Variants in SLCO3A1 observed in about 807,000 individuals in gnomAD.
SLCO3A1 encodes the protein PGE1 transporter.
Under a neutral mutation model 63.1 loss-of-function variants are expected in SLCO3A1, and 27 were observed. The observed-to-expected ratio is 0.43, with a 90% confidence interval of 0.32 to 0.59. The LOEUF is 0.59. Among genes scored for constraint, SLCO3A1 ranks in the 20% least tolerant of loss-of-function variants. SLCO3A1 has a pLI of 0.09. For synonymous variants in SLCO3A1, 473 were observed against 409.9 expected, an observed-to-expected ratio of 1.15 and a Z score of -1.86; for missense variants, 773 against 945.8, an observed-to-expected ratio of 0.82 and a Z score of 2.40.
intron 2 of SLCO3A1, among the ~76,000 whole-genome samples, chr15:92,089,592 G>T (rs1217154612): frequency 6.6e-6 from 1 of 152,198 alleles, no homozygotes; most frequent in Non-Finnish European, 1.5e-5. Flanking sequence ...GTGGGTATTT[G>T]TTGACCGAGA....
intron 2 of SLCO3A1, among the ~76,000 whole-genome samples, chr15:92,058,810 C>T (rs887612198): frequency 6.6e-6 from 1 of 152,142 alleles, no homozygotes; most frequent in Non-Finnish European, 1.5e-5. Flanking sequence ...GTGCCTGCCC[C>T]GCCTGCCTTC....
chr15:92,097,703 C>T (rs16946382), intron 3 of SLCO3A1, among the ~76,000 whole-genome samples: 8,654 of 152,228 alleles, frequency 0.057, 348 homozygotes, highest in African/African-American at 0.11. Context: ...TTGTCAGTCA[C>T]GGTCTTTGTT....
intron 2 of SLCO3A1, among the ~76,000 whole-genome samples, chr15:92,071,032 G>C (rs62008606): frequency 0.12 from 17,706 of 152,108 alleles, 1,177 homozygotes; most frequent in East Asian, 0.27. Flanking sequence ...TCATATGAGA[G>C]GGAAAAAGAG....
rs1167566084 is a variant in SLCO3A1 at position 91,872,112 on chromosome 15, C to T, written c.180+18024C>T. On this transcript the variant is annotated intron_variant, in intron 1 of 9. Coordinates refer to ENST00000318445, the MANE Select transcript of SLCO3A1 (RefSeq NM_013272.4). The surrounding 1 kb of genome is among the most constrained non-coding windows in gnomAD (Gnocchi z 4.1). ...CCTCTGTGGAAAGGGGAATTGCCTT[C>T]GTCGAGGATGTGGTGTGTGCCCGGG... is the stretch of plus-strand genomic sequence containing the variant. Among the ~76,000 whole-genome samples, 2 of 152,088 alleles carry T rather than the reference C, an allele frequency of 1.3e-5. No individual in the cohort carries two copies. Among genetic ancestry groups the T allele is most frequent in the Non-Finnish European group, 2.9e-5 (2 of 68,016 alleles).
intron 2 of SLCO3A1, among the ~76,000 whole-genome samples, chr15:91,990,231 T>C (rs972910252): frequency 2.0e-5 from 3 of 152,214 alleles, no homozygotes; most frequent in Non-Finnish European, 4.4e-5. Flanking sequence ...ATGTCAGAGC[T>C]AGAGTTTTGT....
At chr15:92,162,611 T>C in intron 9 of SLCO3A1, 145 bp from the exon 10 acceptor site, 2 of 1,319,896 alleles carry the variant, frequency 1.5e-6, no homozygotes, top group Non-Finnish European at 2.0e-6. Flanking sequence ...CACAAACTCA[T>C]GCGCTTTGCC....
At chr15:91,899,946 C>T (rs1268630322) in intron 1 of SLCO3A1, among the ~76,000 whole-genome samples, 1 of 152,084 alleles carries the variant, frequency 6.6e-6, no homozygotes, top group East Asian at 1.9e-4. Context: ...TAGTTTGTTC[C>T]ATTTCATTGC....
rs541518673 is a variant in SLCO3A1, at chr15:91,901,663, T to C, written c.181-14330T>C. On this transcript the variant is annotated intron_variant, in intron 1 of 9. Coordinates refer to ENST00000318445, the MANE Select transcript of SLCO3A1 (RefSeq NM_013272.4). ...GTTTGTTTTCTTTCAGAACTTTAAATACATTGTTTCTAATGAAAAGTCAGC... is the reference window on the plus strand; with the variant it reads ...GTTTGTTTTCTTTCAGAACTTTAAACACATTGTTTCTAATGAAAAGTCAGC... 2.0e-5 allele frequency among the ~76,000 whole-genome samples: 3 copies of C among 152,362 alleles called. No homozygotes were observed. In the East Asian group the frequency reaches 5.8e-4, roughly 29 times the overall value.
At chr15:92,167,606 G>A (rs542833652), downstream of SLCO3A1, among the ~76,000 whole-genome samples, 13 of 152,296 alleles carry the variant, frequency 8.5e-5, no homozygotes, top group South Asian at 2.7e-3. Flanking sequence ...CACGCCCCTA[G>A]TGTACTGTCA....
chr15:92,010,417 C>T (rs187070786), intron 2 of SLCO3A1, among the ~76,000 whole-genome samples: 1 of 152,314 alleles, frequency 6.6e-6, no homozygotes, highest in East Asian at 1.9e-4. Flanking sequence ...CAGCGTTTCT[C>T]AGTTTCATTT....
rs1234185088 is a variant in SLCO3A1 at position 91,956,460 on chromosome 15, T to G, written c.646+40002T>G. ...TTATTTGTGAGTGGAGTAAGCGGAATTTTTCAAAGAGAAGCAGTTTGCAAA... is the reference window on the plus strand; with the variant it reads ...TTATTTGTGAGTGGAGTAAGCGGAAGTTTTCAAAGAGAAGCAGTTTGCAAA... On this transcript the variant is annotated intron_variant, in intron 2 of 9. Transcript: ENST00000318445. 2.0e-5 allele frequency among the ~76,000 whole-genome samples: 3 copies of G among 152,232 alleles called. No homozygotes were observed. In the East Asian group the frequency reaches 5.8e-4, roughly 29 times the overall value.
At chr15:91,870,010 C>T (rs2151332967) in intron 1 of SLCO3A1, among the ~76,000 whole-genome samples, 1 of 152,276 alleles carries the variant, frequency 6.6e-6, no homozygotes, top group South Asian at 2.1e-4. Flanking sequence ...GCAAGCTTGC[C>T]AGCTTCCTGC....
chr15:91,904,142 C>T (rs532855622), intron 1 of SLCO3A1, among the ~76,000 whole-genome samples: 1 of 151,094 alleles, frequency 6.6e-6, no homozygotes, highest in South Asian at 2.1e-4. Flanking sequence ...GAGGGTCCCA[C>T]GTTTAGCTTC....
intron 2 of SLCO3A1, among the ~76,000 whole-genome samples, chr15:92,049,074 G>C (rs551206053): frequency 3.3e-5 from 5 of 152,200 alleles, no homozygotes; most frequent in Non-Finnish European, 1.5e-5. Flanking sequence ...TTCCAGGCTG[G>C]TCTGACGTCA....
intron 4 of SLCO3A1, among the ~76,000 whole-genome samples, chr15:92,113,375 A>G (rs1344773221): frequency 1.3e-5 from 2 of 152,126 alleles, no homozygotes; most frequent in African/African-American, 4.8e-5. Flanking sequence ...CCTTAAAGGA[A>G]TCAATAGAAT....
intron 2 of SLCO3A1, among the ~76,000 whole-genome samples, chr15:92,014,634 A>G (rs2046405850): frequency 6.6e-6 from 1 of 152,168 alleles, no homozygotes. Context: ...CTTGTCCACT[A>G]AAACACTTGC....
At chr15:91,939,784 A>G (rs1899554247) in intron 2 of SLCO3A1, among the ~76,000 whole-genome samples, 1 of 152,082 alleles carries the variant, frequency 6.6e-6, no homozygotes. Flanking sequence ...CTACGCTGCT[A>G]TAAAGACATC....
rs1340548249 is a variant in SLCO3A1, at chr15:92,132,171, C to G, written c.1512+3682C>G. ...CAGTTTCAGTACTAAAGACCTGATC[C>G]TTGCTCGCCACTCACCACTTTATCG... On this transcript the variant is annotated intron_variant, in intron 7 of 9. Transcript: ENST00000318445. Among the ~76,000 whole-genome samples, 3 of 145,532 alleles carry G rather than the reference C, an allele frequency of 2.1e-5. 1 individual carries two copies. The highest frequency in any genetic ancestry group is 4.6e-5 in the Non-Finnish European group (3 of 65,070).
rs539585470 is a variant in SLCO3A1 at position 91,863,423 on chromosome 15, G to A, written c.180+9335G>A. ...GCTCGTGCAGTGTAGTGGGATGGCC[G>A]TGAGTACAACCACTGCCGGTTGTGA... On this transcript the variant is annotated intron_variant, in intron 1 of 9. Transcript: ENST00000318445. This position sits in a 1 kb window ranked among gnomAD's most constrained non-coding sequence, Gnocchi z 4.3. Among the ~76,000 whole-genome samples, 2 of 152,360 alleles carry A rather than the reference G, an allele frequency of 1.3e-5. No individual in the cohort carries two copies. The highest frequency in any genetic ancestry group is 2.9e-5 in the Non-Finnish European group (2 of 68,036).
Sources: allele counts gnomAD v4.1 joint callset (sites outside exome capture counted in the v4.1 genomes callset), GRCh38; gene constraint gnomAD v4.1.1; non-coding constraint Gnocchi (gnomAD v3.1); transcripts MANE v1.5; gene names NCBI Gene and HGNC (gene_info 2026-07-23, HGNC 2026-07-21).